Variants in POLI observed in about 807,000 individuals in gnomAD.
POLI encodes RAD30 homolog B.
Under a neutral mutation model 51.6 loss-of-function variants are expected in POLI, and 58 were observed. The ratio of observed to expected loss-of-function variants is 1.12; its 90% CI spans 0.91 to 1.40. The LOEUF (loss-of-function observed/expected upper bound fraction) is 1.40, where lower values mean the gene tolerates loss of function less well. POLI is among the 40% of genes most tolerant of loss of function. The pLI is 0.00. For synonymous variants in POLI, 322 were observed against 299.7 expected (o/e 1.07, Z -0.77); for missense variants, 921 against 871.3 (o/e 1.06, Z -0.72).
chr18:54,270,040 C>G, intron 1 of POLI: 1 of 1,004,810 alleles, frequency 1.0e-6, no homozygotes, highest in East Asian at 1.0e-4. Flanking sequence ...AAGGTGGGAC[C>G]CGGATCTCAG....
At chr18:54,291,674 T>A (rs1348427057) in intron 8 of POLI, 159 bp from the exon 9 acceptor site, 1 of 439,666 alleles carries the variant, frequency 2.3e-6, no homozygotes, top group Non-Finnish European at 4.0e-6. Context: ...TTTTGAAAAT[T>A]TTTAACCATT....
rs186262416 is a variant in POLI, at chr18:54,308,536, T to C, written c.334-11737T>C. Among the ~76,000 whole-genome samples the C allele has an allele frequency of 3.3e-5, 5 of 152,282 alleles. No individual in the cohort carries two copies. The East Asian group carries it at 9.7e-4, about 29-fold the overall frequency. The stretch of plus-strand genomic sequence containing the variant: ...AACATTTTTTCCTTCATTTAAACTT[T>C]GGTGAATCTGACAATTATGTGTCTT... On this transcript the variant is annotated intron_variant, in intron 3 of 4. Coordinates refer to the POLI transcript ENST00000579823.
chr18:54,282,815 G>T, intron 5 of POLI, 22 bp from the exon 6 acceptor site: 1 of 1,332,212 alleles, frequency 7.5e-7, no homozygotes, highest in Non-Finnish European at 1.0e-6. Flanking sequence ...TTTTAACATT[G>T]TATGCATTTC....
chr18:54,286,438 T>C (rs897993133), intron 7 of POLI, among the ~76,000 whole-genome samples: 3 of 152,160 alleles, frequency 2.0e-5, no homozygotes, highest in African/African-American at 7.2e-5. Context: ...CTAAATATAG[T>C]ATATGCTCTT....
Position 54,293,565 on chromosome 18 carries a change from A to G in POLI, c.1405-84A>G, listed in dbSNP as rs1433507905. The G allele has an allele frequency of 3.1e-5, 29 of 950,696 alleles. No homozygotes were observed. The South Asian group carries it at 4.4e-4, about 14-fold the overall frequency. The allele number at this position is 950,696 out of a possible 1,614,324, so 58.9% of individuals were successfully genotyped here. ...GTTGAGTAGGTTAGAAACATGTCAG[A>G]TAATAGCTACAGGCACACAGCAGCA... is the stretch of plus-strand genomic sequence containing the variant. On this transcript the variant is annotated intron_variant, in intron 9 of 9. Coordinates refer to ENST00000579534, the MANE Select transcript of POLI (RefSeq NM_007195.3).
chr18:54,270,227 A>G (rs595006), intron 1 of POLI: 11,761 of 173,544 alleles, frequency 0.068, 472 homozygotes, highest in African/African-American at 0.088. Context: ...ATTTAGAGAC[A>G]AGGTCTCCCT....
At chr18:54,319,397 G>C (rs181490439) in intron 3 of POLI, among the ~76,000 whole-genome samples, 47 of 152,226 alleles carry the variant, frequency 3.1e-4, no homozygotes, top group Admixed American at 2.8e-3. Flanking sequence ...AAAGGGACAT[G>C]GGGCATGGGG....
At chr18:54,315,165 C>G (rs2088717556) in intron 3 of POLI, among the ~76,000 whole-genome samples, 1 of 151,930 alleles carries the variant, frequency 6.6e-6, no homozygotes, top group African/African-American at 2.4e-5. Context: ...TGCTATGTCT[C>G]TATTTTATTA....
chr18:54,297,195 A>C lies in POLI; in HGVS notation c.*2728A>C. 2 of 985,218 alleles carry C rather than the reference A, an allele frequency of 2.0e-6. No homozygotes were observed. Among genetic ancestry groups the C allele is most frequent in the Non-Finnish European group, 2.4e-6 (2 of 829,884 alleles). 61.0% of individuals were successfully genotyped at this position (985,218 alleles called of 1,614,324 possible). A position where few individuals can be genotyped will look rare whatever the true frequency, so the allele number is the denominator to read the frequency against. ...AACTAACAGGCAGATGCTGTTAGCT[A>C]TCTGCCTCCAGGGATAAACCCCATC... is the stretch of plus-strand genomic sequence containing the variant. On this transcript the variant is annotated 3_prime_UTR_variant, in exon 10 of 10. Transcript: ENST00000579534.
chr18:54,275,926 C>A (rs1383326113), intron 3 of POLI, among the ~76,000 whole-genome samples: 2 of 151,994 alleles, frequency 1.3e-5, no homozygotes, highest in Non-Finnish European at 2.9e-5. Flanking sequence ...CTGTTTATAA[C>A]CTTATTATTT....
intron 7 of POLI, among the ~76,000 whole-genome samples, 164 bp from the exon 8 acceptor site, chr18:54,287,117 A>T (rs3730769): frequency 1.3e-5 from 2 of 152,200 alleles, no homozygotes; most frequent in African/African-American, 4.8e-5. Context: ...TGTGATGATT[A>T]TTTGGATACT....
In POLI at chr18:54,310,026, C is replaced by T. The variant is rs190744628; in HGVS notation, c.334-10247C>T. Among the ~76,000 whole-genome samples, 912 of 152,294 alleles carry T rather than the reference C, an allele frequency of 6.0e-3. 12 individuals are homozygous for T. Among genetic ancestry groups the T allele is most frequent in the Non-Finnish European group, 7.8e-3 (533 of 68,012 alleles). On this transcript the variant is annotated intron_variant, in intron 3 of 4. Transcript: ENST00000579823. ...CCTTGGCTAGGAAAGGGAAATTCCC[C>T]GGCCCCTTGTGCTTCCCAGGTGAGG...
At chr18:54,270,951 G>C (rs564783137) in intron 1 of POLI, 1 of 154,570 alleles carries the variant, frequency 6.5e-6, no homozygotes, top group Admixed American at 6.5e-5. Context: ...TTGTTGGTTT[G>C]TTTGTTTTAA....
intron 5 of POLI, 116 bp downstream of exon 5, chr18:54,281,019 CATGT>C: frequency 6.5e-6 from 4 of 614,604 alleles, no homozygotes; most frequent in Admixed American, 3.1e-5. Flanking sequence ...AGTTTGTGTG[CATGT>C]GTGTGTGTGT....
downstream of POLI, among the ~76,000 whole-genome samples, chr18:54,298,629 C>T (rs145750187): frequency 3.9e-3 from 541 of 137,426 alleles, 2 homozygotes; most frequent in African/African-American, 0.013. Flanking sequence ...CTCGCTCTGT[C>T]GCCCAGGTTG....
At position 54,277,821 on chromosome 18, in the gene POLI, G is replaced by A. The variant is rs767290352; in HGVS notation, c.525G>A (p.Ala175=). Residue 175 remains alanine, a synonymous_variant, in exon 4 of 10, where the codon GCG becomes GCA. Coordinates refer to ENST00000579534, the MANE Select transcript of POLI (RefSeq NM_007195.3). ...LQQLQSDELS[A]VTVSGHVYNN... ...AGCTGCAAAGTGATGAACTTTCTGC[G>A]GTGACTGTGTCGGGTCATGTATACA... The A allele has an allele frequency of 1.6e-5, 26 of 1,612,762 alleles. No individual in the cohort carries two copies. The highest frequency in any genetic ancestry group is 1.6e-4 in the Middle Eastern group (1 of 6,084).
downstream of POLI, among the ~76,000 whole-genome samples, chr18:54,300,268 A>G (rs2144627890): frequency 6.6e-6 from 1 of 152,274 alleles, no homozygotes; most frequent in Admixed American, 6.5e-5. Context: ...GGATTACAAT[A>G]TATGTGGGAG....
In POLI at chr18:54,308,775, T is replaced by G. The variant is rs191284992; in HGVS notation, c.334-11498T>G. On this transcript the variant is annotated intron_variant, in intron 3 of 4. Coordinates refer to the POLI transcript ENST00000579823. Reference sequence around the variant, plus strand: ...TCCCATATTTCTTGAGGGCTTTGTTTATTGCTTTTAACTCTTTTTTCTCTA... The same window carrying G: ...TCCCATATTTCTTGAGGGCTTTGTTGATTGCTTTTAACTCTTTTTTCTCTA... 2.0e-5 allele frequency among the ~76,000 whole-genome samples: 3 copies of G among 152,274 alleles called. No individual in the cohort carries two copies. The East Asian group carries it at 5.8e-4, about 29-fold the overall frequency.
In POLI at chr18:54,295,208, A is replaced by T. The variant is rs981010811; in HGVS notation, c.*741A>T. 3 of 985,296 alleles carry T rather than the reference A, an allele frequency of 3.0e-6. No homozygotes were observed. The highest frequency in any genetic ancestry group is 3.6e-6 in the Non-Finnish European group (3 of 829,920). The allele number at this position is 985,296 out of a possible 1,614,324, so 61.0% of individuals were successfully genotyped here. A position where few individuals can be genotyped will look rare whatever the true frequency, so the allele number is the denominator to read the frequency against. ...GGCAAGGTGATGGGCCTATAAGCATACTGGATAATGGAAGAAGTCCATTTC... is the reference window on the plus strand; with the variant it reads ...GGCAAGGTGATGGGCCTATAAGCATTCTGGATAATGGAAGAAGTCCATTTC... On this transcript the variant is annotated 3_prime_UTR_variant, in exon 10 of 10. Coordinates refer to ENST00000579534, the MANE Select transcript of POLI (RefSeq NM_007195.3).
Sources: allele counts gnomAD v4.1 joint callset (sites outside exome capture counted in the v4.1 genomes callset), GRCh38; gene constraint gnomAD v4.1.1; transcripts MANE v1.5; gene names NCBI Gene and HGNC (gene_info 2026-07-23, HGNC 2026-07-21).